Variants in BRINP3 observed in about 807,000 individuals in gnomAD.
The protein encoded by BRINP3 is BMP/retinoic acid inducible neural specific 3.
BRINP3 carries 19 observed loss-of-function variants against 71.0 expected under a neutral mutation model. The observed-to-expected ratio is 0.27, with a 90% CI of 0.19 to 0.39. BRINP3 has a LOEUF of 0.39. Ranked by LOEUF, BRINP3 falls within the 10% of genes least tolerant of loss-of-function variation. The pLI is 1.00. For synonymous variants in BRINP3, 380 were observed against 337.7 expected (o/e 1.13, Z -1.37); for missense variants, 959 against 940.8 (o/e 1.02, Z -0.25).
intron 2 of BRINP3, among the ~76,000 whole-genome samples, chr1:190,445,360 CTT>C (rs1675139973): frequency 2.0e-5 from 3 of 151,928 alleles, no homozygotes; most frequent in Non-Finnish European, 4.4e-5. Flanking sequence ...AATATTATAA[CTT>C]AATATTAGGA....
chr1:190,457,213 G>A (rs1369705858), intron 1 of BRINP3, among the ~76,000 whole-genome samples: 1 of 152,104 alleles, frequency 6.6e-6, no homozygotes, highest in African/African-American at 2.4e-5. Context: ...AGGCCGAGGA[G>A]GGCGGATCAC....
intron 2 of BRINP3, among the ~76,000 whole-genome samples, chr1:190,413,989 G>A (rs1342515237): frequency 6.6e-6 from 1 of 151,936 alleles, no homozygotes; most frequent in Non-Finnish European, 1.5e-5. Context: ...TAGAGACCAG[G>A]TGTTGCTTTG....
chr1:190,470,517 G>A (rs1217995268), intron 1 of BRINP3, among the ~76,000 whole-genome samples: 3 of 150,810 alleles, frequency 2.0e-5, no homozygotes, highest in African/African-American at 7.3e-5. Flanking sequence ...GAGTTAATTA[G>A]GGTTTAGGCA....
chr1:190,128,604 G>T (rs1321164198), intron 7 of BRINP3, among the ~76,000 whole-genome samples: 2 of 151,652 alleles, frequency 1.3e-5, no homozygotes, highest in Non-Finnish European at 3.0e-5. Context: ...AAAAATGGTA[G>T]AATGAGATAT....
intron 1 of BRINP3, among the ~76,000 whole-genome samples, chr1:190,466,862 G>A (rs188827867): frequency 1.6e-3 from 236 of 151,208 alleles, no homozygotes; most frequent in Non-Finnish European, 2.5e-3. Context: ...TAAAACACTC[G>A]TAATGTTAAT....
intron 2 of BRINP3, among the ~76,000 whole-genome samples, chr1:190,343,990 AAT>A (rs1004873653): frequency 9.9e-5 from 15 of 151,770 alleles, no homozygotes; most frequent in African/African-American, 3.6e-4. Flanking sequence ...CATTATACAC[AAT>A]ATCATGAGTA....
At chr1:190,100,462 T>A (rs547540652) in intron 7 of BRINP3, among the ~76,000 whole-genome samples, 4 of 152,288 alleles carry the variant, frequency 2.6e-5, no homozygotes, top group Non-Finnish European at 1.5e-5. Flanking sequence ...CCCAGTAGAA[T>A]GCCAGGAGAT....
intron 7 of BRINP3, among the ~76,000 whole-genome samples, chr1:190,141,825 T>C (rs886509693): frequency 6.6e-6 from 1 of 152,010 alleles, no homozygotes; most frequent in Non-Finnish European, 1.5e-5. Flanking sequence ...CCAAAAGTGT[T>C]GGGATCACAG....
chr1:190,228,748 T>C (rs1225276568), intron 5 of BRINP3, among the ~76,000 whole-genome samples: 7 of 151,330 alleles, frequency 4.6e-5, no homozygotes, highest in African/African-American at 1.2e-4. Context: ...TGGCCTGCTC[T>C]GACAAACAAC....
chr1:190,449,788 C>A (rs564008986), intron 2 of BRINP3, among the ~76,000 whole-genome samples: 1 of 152,154 alleles, frequency 6.6e-6, no homozygotes, highest in African/African-American at 2.4e-5. Flanking sequence ...ACATTCATTT[C>A]TCTGACAATC....
chr1:190,197,590 G>A (rs1013607814), intron 6 of BRINP3, among the ~76,000 whole-genome samples: 6 of 152,100 alleles, frequency 3.9e-5, no homozygotes, highest in Admixed American at 3.9e-4. Context: ...TAGACTTCAG[G>A]AGGGCAGTCA....
chr1:190,356,738 G>A (rs1025725579), intron 2 of BRINP3, among the ~76,000 whole-genome samples: 5 of 151,886 alleles, frequency 3.3e-5, no homozygotes, highest in Admixed American at 2.6e-4. Flanking sequence ...TGCCATGTAA[G>A]GTAACATATT....
intron 4 of BRINP3, 64 bp downstream of exon 4, chr1:190,264,801 G>A: frequency 7.5e-7 from 1 of 1,331,476 alleles, no homozygotes; most frequent in Non-Finnish European, 1.0e-6. Context: ...ACATAAAAAT[G>A]CCTTTTGGAT....
chr1:190,303,933 A>G (rs1222495755), intron 2 of BRINP3, among the ~76,000 whole-genome samples: 9 of 151,664 alleles, frequency 5.9e-5, no homozygotes, highest in Non-Finnish European at 1.3e-4. Context: ...AATCATAAAT[A>G]ATTTATTTTT....
rs774090779 is a variant in BRINP3 at position 190,454,881 on chromosome 1, G to A, written c.10C>T (p.Arg4Ter). 9 of 1,613,328 alleles carry A rather than the reference G, an allele frequency of 5.6e-6. No individual in the cohort carries two copies. The highest frequency in any genetic ancestry group is 5.5e-5 in the South Asian group (5 of 91,048). Residue 4 changes from arginine to a stop codon, truncating the protein, a stop_gained, in exon 2 of 8, where the codon CGA becomes TGA. Coordinates refer to ENST00000367462, the MANE Select transcript of BRINP3 (RefSeq NM_199051.3). LOFTEE classifies it high-confidence loss of function. ...AACAATTCAGCACCAGCTCTGCTTCGCCATATCATGCTTCCACTGGGGATT... is the reference window on the plus strand; with the variant it reads ...AACAATTCAGCACCAGCTCTGCTTCACCATATCATGCTTCCACTGGGGATT... MIW[R>*]SRAGAELFSL...
At chr1:190,298,146 C>T (rs1664395957) in intron 2 of BRINP3, among the ~76,000 whole-genome samples, 1 of 152,020 alleles carries the variant, frequency 6.6e-6, no homozygotes, top group South Asian at 2.1e-4. Flanking sequence ...CCTAAGTATC[C>T]TCTTAATTAA....
chr1:190,452,863 AC>A (rs1371287847), intron 2 of BRINP3, among the ~76,000 whole-genome samples: 1 of 152,156 alleles, frequency 6.6e-6, no homozygotes, highest in African/African-American at 2.4e-5. Context: ...TCCCAAAAAA[AC>A]ATAAACAAAA....
At chr1:190,116,957 C>G (rs1402255624) in intron 7 of BRINP3, among the ~76,000 whole-genome samples, 3 of 151,980 alleles carry the variant, frequency 2.0e-5, no homozygotes, top group Non-Finnish European at 4.4e-5. Context: ...ACTTAAAAAG[C>G]TTATGACTTG....
chr1:190,203,240 T>C (rs563625596), intron 6 of BRINP3, among the ~76,000 whole-genome samples: 1 of 152,212 alleles, frequency 6.6e-6, no homozygotes, highest in African/African-American at 2.4e-5. Context: ...GACAACATAG[T>C]ACTTTAAAGG....
Sources: allele counts gnomAD v4.1 joint callset (sites outside exome capture counted in the v4.1 genomes callset), GRCh38; gene constraint gnomAD v4.1.1; transcripts MANE v1.5; gene names NCBI Gene and HGNC (gene_info 2026-07-23, HGNC 2026-07-21).